The following ZNF726 variants were observed in gnomAD, a reference collection of about 807,000 sequenced individuals.
The protein encoded by ZNF726 is zinc finger protein 726.
Under a neutral mutation model 11.6 loss-of-function variants are expected in ZNF726, and 15 were observed. That is an observed-to-expected ratio of 1.29 (90% CI 0.86 to 1.99). The LOEUF is 1.99. Among genes scored for constraint, ZNF726 ranks in the 30% most tolerant of loss-of-function variants. The pLI is 0.00. For synonymous variants in ZNF726, 295 were observed against 243.6 expected, an observed-to-expected ratio of 1.21 and a Z score of -1.96; for missense variants, 890 against 725.6, an observed-to-expected ratio of 1.23 and a Z score of -2.60.
At chr19:23,931,252 A>G (rs1253957623) in intron 3 of ZNF726, among the ~76,000 whole-genome samples, 1 of 152,214 alleles carries the variant, frequency 6.6e-6, no homozygotes. Context: ...GATTACAGGC[A>G]TGAGCCACCG....
At chr19:23,935,511 A>G (rs778968384), downstream of ZNF726, 1 of 411,026 alleles carries the variant, frequency 2.4e-6, no homozygotes, top group Non-Finnish European at 4.8e-6. Flanking sequence ...TTCTTAACAG[A>G]TATAAGATTA....
chr19:23,922,225 G>T (rs1266196253), intron 3 of ZNF726, among the ~76,000 whole-genome samples: 1 of 152,224 alleles, frequency 6.6e-6, no homozygotes, highest in Non-Finnish European at 1.5e-5. Flanking sequence ...CCAAGGGCAG[G>T]TTTCTGCAGT....
At chr19:23,937,286 A>G (rs1244427036), downstream of ZNF726, among the ~76,000 whole-genome samples, 1 of 142,580 alleles carries the variant, frequency 7.0e-6, no homozygotes, top group Non-Finnish European at 1.5e-5. Context: ...CGGGGGGCTG[A>G]CCCCCCCACC....
chr19:23,942,490 A>G (rs1480867191), intron 3 of ZNF726, among the ~76,000 whole-genome samples: 4 of 152,172 alleles, frequency 2.6e-5, no homozygotes, highest in Non-Finnish European at 4.4e-5. Flanking sequence ...GTTCCGGGGT[A>G]TAGTTAAATC....
Position 23,932,751 on chromosome 19 carries a change from G to T in ZNF726, c.635G>T (p.Trp212Leu), listed in dbSNP as rs967402284. 4.3e-6 allele frequency: 7 copies of T among 1,612,306 alleles called. No homozygotes were observed. The highest frequency in any genetic ancestry group is 1.7e-4 in the Middle Eastern group (1 of 6,050). The change falls in exon 4 of 4, where the codon TGG becomes TTG. Residue 212 changes from tryptophan to leucine, a missense_variant. Coordinates refer to ENST00000594466, the MANE Select transcript of ZNF726 (RefSeq NM_001244038.2). Reference sequence around the variant, plus strand: ...AAAGAATGTGGAAAAACCTTTAATTGGTCCTCAACCCTTACTAATCATAAG... The same window carrying T: ...AAAGAATGTGGAAAAACCTTTAATTTGTCCTCAACCCTTACTAATCATAAG... Reference protein sequence around the residue: ...KCKECGKTFNWSSTLTNHKKT... With the variant: ...KCKECGKTFNLSSTLTNHKKT...
At chr19:23,936,354 AT>A (rs1968230975), downstream of ZNF726, among the ~76,000 whole-genome samples, 1 of 152,162 alleles carries the variant, frequency 6.6e-6, no homozygotes, top group African/African-American at 2.4e-5. Flanking sequence ...AAAGAAGAAT[AT>A]TTTTTGGAGA....
chr19:23,933,222 A>G lies in ZNF726; in HGVS notation c.1106A>G (p.Tyr369Cys). The G allele has an allele frequency of 1.9e-6, 3 of 1,613,048 alleles. No homozygotes were observed. Among genetic ancestry groups the G allele is most frequent in the African/African-American group, 2.7e-5 (2 of 74,602 alleles). ...ATAATTCATACTGGAGAGAAACCCTACAAATGTGAAGAATGTGGCAAAGCA... is the reference window on the plus strand; with the variant it reads ...ATAATTCATACTGGAGAGAAACCCTGCAAATGTGAAGAATGTGGCAAAGCA... ...HRIIHTGEKPYKCEECGKAFI... is the reference protein window; with the variant it reads ...HRIIHTGEKPCKCEECGKAFI... Residue 369 changes from tyrosine (Y) to cysteine (C), a missense_variant, in exon 4 of 4, where the codon TAC becomes TGC. Transcript: ENST00000594466.
At position 23,933,633 on chromosome 19, in the gene ZNF726, A is replaced by G. The variant is rs770956867; in HGVS notation, c.1517A>G (p.Glu506Gly). ...GCACATAAGATAATTCATACTGGAGAGAAACCCTACAAATGTGAAGAATGT... is the reference window on the plus strand; with the variant it reads ...GCACATAAGATAATTCATACTGGAGGGAAACCCTACAAATGTGAAGAATGT... ...LTAHKIIHTG[E>G]KPYKCEECGK... The change falls in exon 4 of 4, where the codon GAG (glutamate) becomes GGG (glycine). Residue 506 changes from glutamate (E) to glycine (G), a missense_variant. Transcript: ENST00000594466. 1.0e-4 allele frequency: 166 copies of G among 1,612,656 alleles called. No individual in the cohort carries two copies. Among genetic ancestry groups the G allele is most frequent in the Non-Finnish European group, 1.3e-4 (150 of 1,180,004 alleles).
chr19:23,935,316 G>A (rs770657727), downstream of ZNF726: 23 of 519,876 alleles, frequency 4.4e-5, no homozygotes, highest in Admixed American at 4.6e-4. Context: ...ATGTGGCAAA[G>A]TGTTTTTCTG....
rs560948088 is a variant in ZNF726 at position 23,932,602 on chromosome 19, A to G, written c.486A>G (p.Arg162=). ...TTTATAAATTTATAAATTTAAACAG[A>G]TATAAGATAAGACATACTAGAAAGA... is the stretch of plus-strand genomic sequence containing the variant. ...KVFYKFINLN[R]YKIRHTRKKP... The change falls in exon 4 of 4, where the codon AGA becomes AGG. Residue 162 remains arginine, a synonymous_variant. Transcript: ENST00000594466. The G allele has an allele frequency of 5.8e-6, 9 of 1,543,758 alleles. No homozygotes were observed. Among genetic ancestry groups the G allele is most frequent in the African/African-American group, 1.4e-5 (1 of 71,490 alleles).
intron 3 of ZNF726, chr19:23,943,452 G>T: frequency 3.6e-6 from 2 of 549,886 alleles, no homozygotes; most frequent in South Asian, 5.2e-5. Flanking sequence ...TTGCTAACTG[G>T]AGAATCCCAG....
At chr19:23,943,871 C>G in intron 4 of ZNF726, 1 of 239,550 alleles carries the variant, frequency 4.2e-6, no homozygotes, top group Non-Finnish European at 7.9e-6. Flanking sequence ...ACCTGCTCTT[C>G]CATTGCTTCG....
chr19:23,925,646 G>T (rs976761953), intron 3 of ZNF726, among the ~76,000 whole-genome samples: 10 of 150,908 alleles, frequency 6.6e-5, no homozygotes, highest in African/African-American at 2.2e-4. Context: ...AATTTTTGAA[G>T]AAAATTTATT....
intron 3 of ZNF726, 33 bp downstream of exon 3, chr19:23,920,115 A>G: frequency 7.0e-7 from 1 of 1,438,064 alleles, no homozygotes; most frequent in Non-Finnish European, 9.6e-7. Flanking sequence ...GATGACCTGG[A>G]TGAGAGGTCC....
At chr19:23,937,563 C>T (rs113985408), downstream of ZNF726, among the ~76,000 whole-genome samples, 608 of 151,160 alleles carry the variant, frequency 4.0e-3, no homozygotes, top group African/African-American at 0.014. Context: ...CGGGCAGAGA[C>T]GCTCCTCACT....
intron 3 of ZNF726, among the ~76,000 whole-genome samples, chr19:23,925,342 C>T (rs533289939): frequency 1.8e-4 from 27 of 151,906 alleles, no homozygotes; most frequent in South Asian, 1.3e-3. Context: ...TATTTTCCAC[C>T]GACAATCAAC....
chr19:23,927,484 G>C (rs1168417555), intron 3 of ZNF726, among the ~76,000 whole-genome samples: 1 of 151,924 alleles, frequency 6.6e-6, no homozygotes. Context: ...ATTTGTTATT[G>C]TTGTGTTTGT....
intron 3 of ZNF726, among the ~76,000 whole-genome samples, chr19:23,939,845 G>A (rs1968307914): frequency 8.0e-6 from 1 of 124,830 alleles, no homozygotes; most frequent in Admixed American, 7.6e-5. Flanking sequence ...CATGTCTTTG[G>A]CCCACTTTTT....
In ZNF726 at chr19:23,919,361, T is replaced by C. The variant is rs763898070; in HGVS notation, c.4-12T>C. The C allele has an allele frequency of 1.2e-6, 2 of 1,601,752 alleles. No homozygotes were observed. The highest frequency in any genetic ancestry group is 1.7e-6 in the Non-Finnish European group (2 of 1,172,572). The stretch of plus-strand genomic sequence containing the variant: ...CACTTTGTAAATATGTGTGTTTGTG[T>C]GTATTTTCCAGGGACTGTTGACATT... On this transcript the variant is annotated splice_polypyrimidine_tract_variant and intron_variant, in intron 1 of 3. Coordinates refer to ENST00000594466, the MANE Select transcript of ZNF726 (RefSeq NM_001244038.2).
Sources: allele counts gnomAD v4.1 joint callset (sites outside exome capture counted in the v4.1 genomes callset), GRCh38; gene constraint gnomAD v4.1.1; transcripts MANE v1.5; gene names NCBI Gene and HGNC (gene_info 2026-07-23, HGNC 2026-07-21).